The following GNB5 variants were observed in gnomAD, a reference collection of about 807,000 sequenced individuals.
GNB5 encodes guanine nucleotide-binding protein subunit beta-5.
In GNB5, 37 loss-of-function variants were observed where a neutral mutation model predicts 55.3. The observed-to-expected ratio is 0.67, with a 90% CI of 0.51 to 0.88. The LOEUF (loss-of-function observed/expected upper bound fraction) is 0.88. GNB5 is among the 40% of genes least tolerant of loss of function. The pLI is 0.00. For missense variants in GNB5, 476 were observed against 515.3 expected, an observed-to-expected ratio of 0.92 and a Z score of 0.74; for synonymous variants, 219 against 198.5, an observed-to-expected ratio of 1.10 and a Z score of -0.87.
In GNB5 at chr15:52,116,229, G is replaced by C. The variant is rs1402319319; in HGVS notation, c.*6528C>G. The C allele has an allele frequency of 1.3e-5, 2 of 152,208 alleles. No individual in the cohort carries two copies. Among genetic ancestry groups the C allele is most frequent in the African/African-American group, 4.8e-5 (2 of 41,440 alleles). 9.4% of individuals were successfully genotyped at this position (152,208 alleles called of 1,614,324 possible). A position where few individuals can be genotyped will look rare whatever the true frequency, so the allele number is the denominator to read the frequency against. On this transcript the variant is annotated 3_prime_UTR_variant, in exon 13 of 13. Transcript: ENST00000261837. Reference sequence around the variant, plus strand: ...TGGAAACAGTGACCTCTGCTTCATGGTTCCTGGTTTCTGACAAAGTTAATC... The same window carrying C: ...TGGAAACAGTGACCTCTGCTTCATGCTTCCTGGTTTCTGACAAAGTTAATC...
chr15:52,131,712 A>G (rs1227095256), intron 9 of GNB5, among the ~76,000 whole-genome samples: 1 of 152,232 alleles, frequency 6.6e-6, no homozygotes, highest in East Asian at 1.9e-4. Flanking sequence ...GAGGGCAAGA[A>G]GTACTAAAGT....
rs537857468 is a variant in GNB5 at position 52,154,157 on chromosome 15, T to A, written c.239-81A>T. 2.3e-3 allele frequency: 3,121 copies of A among 1,385,394 alleles called. 8 individuals carry two copies. Among genetic ancestry groups the A allele is most frequent in the Non-Finnish European group, 2.8e-3 (2,899 of 1,024,654 alleles). 85.8% of individuals were successfully genotyped at this position (1,385,394 alleles called of 1,614,324 possible). ...GGGCTGACACAGCACAGACATATGTTCCGCAGAGGGAGGCGGCCCCATGGG... is the reference window on the plus strand; with the variant it reads ...GGGCTGACACAGCACAGACATATGTACCGCAGAGGGAGGCGGCCCCATGGG... On this transcript the variant is annotated intron_variant, in intron 3 of 12. Coordinates refer to ENST00000261837, the MANE Select transcript of GNB5 (RefSeq NM_016194.4).
chr15:52,149,760 G>A (rs2034051212), intron 5 of GNB5, 124 bp downstream of exon 5: 3 of 752,746 alleles, frequency 4.0e-6, no homozygotes, highest in Non-Finnish European at 7.2e-6. Flanking sequence ...TCCATCCGTA[G>A]AGGCAACTGC....
rs184704675 is a variant in GNB5 at position 52,185,155 on chromosome 15, G to A, written c.-18-461C>T. Among the ~76,000 whole-genome samples, 453 of 152,352 alleles carry A rather than the reference G, an allele frequency of 3.0e-3. 1 individual carries two copies. The highest frequency in any genetic ancestry group is 0.01 in the African/African-American group (427 of 41,586). The stretch of plus-strand genomic sequence containing the variant: ...CCTGAGTAAGTGTGGTGTGGGTTCC[G>A]TGCAAGGCAAGCACTCACTTATTAA... On this transcript the variant is annotated intron_variant, in intron 1 of 12. Coordinates refer to ENST00000261837, the MANE Select transcript of GNB5 (RefSeq NM_016194.4).
intron 3 of GNB5, among the ~76,000 whole-genome samples, chr15:52,168,459 G>T (rs1196756685): frequency 6.6e-6 from 1 of 152,144 alleles, no homozygotes; most frequent in Admixed American, 6.6e-5. Context: ...TGCTCAAGGA[G>T]ATCAGAGAGG....
intron 3 of GNB5, among the ~76,000 whole-genome samples, chr15:52,163,668 C>G (rs116007551): frequency 0.012 from 1,755 of 152,312 alleles, 26 homozygotes; most frequent in African/African-American, 0.04. Flanking sequence ...TCTGGAGAGT[C>G]TGGGTGGTCT....
At chr15:52,155,176 C>T (rs1449780330) in intron 3 of GNB5, among the ~76,000 whole-genome samples, 1 of 152,218 alleles carries the variant, frequency 6.6e-6, no homozygotes, top group Admixed American at 6.5e-5. Flanking sequence ...CCCAGCTGGC[C>T]TTTCTCCAGG....
At position 52,116,635 on chromosome 15, in the gene GNB5, A is replaced by C. The variant is rs928686882; in HGVS notation, c.*6122T>G. 3 of 152,202 alleles carry C rather than the reference A, an allele frequency of 2.0e-5. No individual in the cohort carries two copies. The highest frequency in any genetic ancestry group is 2.9e-5 in the Non-Finnish European group (2 of 68,036). The allele number at this position is 152,202 out of a possible 1,614,324, so 9.4% of individuals were successfully genotyped here. A position where few individuals can be genotyped will look rare whatever the true frequency, so the allele number is the denominator to read the frequency against. ...AGAGTCACTAGTGTTTTAAAAAAAC[A>C]AACCATGACAAATAGAGCTGGGGAG... On this transcript the variant is annotated 3_prime_UTR_variant, in exon 13 of 13. Transcript: ENST00000261837.
intron 3 of GNB5, among the ~76,000 whole-genome samples, chr15:52,175,092 A>C (rs532029747): frequency 3.9e-5 from 6 of 152,068 alleles, no homozygotes; most frequent in Admixed American, 6.5e-5. Flanking sequence ...CAAACAAACA[A>C]ACACACATAC....
At chr15:52,177,125 C>A (rs1257255139) in intron 3 of GNB5, among the ~76,000 whole-genome samples, 1 of 150,054 alleles carries the variant, frequency 6.7e-6, no homozygotes, top group African/African-American at 2.5e-5. Flanking sequence ...ACCTCCAACT[C>A]CCTGGTTTAA....
At chr15:52,178,569 T>G (rs2034697778) in intron 3 of GNB5, among the ~76,000 whole-genome samples, 1 of 152,192 alleles carries the variant, frequency 6.6e-6, no homozygotes, top group African/African-American at 2.4e-5. Context: ...CAACAGCAGG[T>G]GATCATCCAC....
chr15:52,124,005 C>CAAAA (rs56008657), intron 12 of GNB5, among the ~76,000 whole-genome samples: 9 of 84,384 alleles, frequency 1.1e-4, no homozygotes, highest in Non-Finnish European at 1.4e-4. Context: ...ATAGAAAAAC[C>CAAAA]AAAAAAAAAA....
rs543789639 is a variant in GNB5, at chr15:52,116,211, A to G, written c.*6546T>C. 3.9e-5 allele frequency: 6 copies of G among 152,370 alleles called. No homozygotes were observed. Among genetic ancestry groups the G allele is most frequent in the Non-Finnish European group, 8.8e-5 (6 of 68,042 alleles). The allele number at this position is 152,370 out of a possible 1,614,324, so 9.4% of individuals were successfully genotyped here. A position where few individuals can be genotyped will look rare whatever the true frequency, so the allele number is the denominator to read the frequency against. ...CGTGGAAAACACACAGGTTGGAAAC[A>G]GTGACCTCTGCTTCATGGTTCCTGG... On this transcript the variant is annotated 3_prime_UTR_variant, in exon 13 of 13. Transcript: ENST00000261837.
chr15:52,137,801 C>A lies in GNB5; in HGVS notation c.628-2045G>T, dbSNP rs965159155. 1.5e-5 allele frequency: 19 copies of A among 1,263,018 alleles called. No individual in the cohort carries two copies. The African/African-American group carries it at 2.6e-4, about 17-fold the overall frequency. 78.2% of individuals were successfully genotyped at this position (1,263,018 alleles called of 1,614,324 possible). On this transcript the variant is annotated intron_variant, in intron 7 of 12. Transcript: ENST00000261837. ...CCTGGAGCCAGCTGGGTACTGACAG[C>A]AATGGAGGGGACCTGCAAGGGAGAA... is the stretch of plus-strand genomic sequence containing the variant.
Position 52,121,502 on chromosome 15 carries a change from C to A in GNB5, c.*1255G>T, listed in dbSNP as rs2033265542. The A allele has an allele frequency of 1.3e-5, 1 of 76,032 alleles. No homozygotes were observed. The highest frequency in any genetic ancestry group is 2.5e-5 in the Non-Finnish European group (1 of 39,344). 4.7% of individuals were successfully genotyped at this position (76,032 alleles called of 1,614,324 possible). Reference sequence around the variant, plus strand: ...TCTGAGTCTCAAATAAAGAGAAGATCTTCTTTTAATATCGTTTTTCTATGT... The same window carrying A: ...TCTGAGTCTCAAATAAAGAGAAGATATTCTTTTAATATCGTTTTTCTATGT... On this transcript the variant is annotated 3_prime_UTR_variant, in exon 13 of 13. Coordinates refer to ENST00000261837, the MANE Select transcript of GNB5 (RefSeq NM_016194.4).
chr15:52,131,689 T>A (rs2033578436), intron 9 of GNB5, among the ~76,000 whole-genome samples: 3 of 152,230 alleles, frequency 2.0e-5, no homozygotes, highest in Admixed American at 1.3e-4. Context: ...TCTTTTTTCC[T>A]TATCCCACAT....
At chr15:52,171,521 A>G (rs1234894784) in intron 3 of GNB5, among the ~76,000 whole-genome samples, 1 of 152,246 alleles carries the variant, frequency 6.6e-6, no homozygotes, top group Non-Finnish European at 1.5e-5. Flanking sequence ...CAGCTCGAGT[A>G]TAACAGTGAA....
intron 10 of GNB5, among the ~76,000 whole-genome samples, chr15:52,127,129 T>C (rs975786983): frequency 1.3e-5 from 2 of 152,190 alleles, no homozygotes; most frequent in Admixed American, 1.3e-4. Context: ...TTGATTCATA[T>C]GGCAAATCTG....
Position 52,149,848 on chromosome 15 carries a change from G to T in GNB5, c.417+36C>A, listed in dbSNP as rs755638702. On this transcript the variant is annotated intron_variant, in intron 5 of 12. Coordinates refer to ENST00000261837, the MANE Select transcript of GNB5 (RefSeq NM_016194.4). ...GCACCTTTAAGTAGGCTGGGATTCTGAAGCCTCTATAACGTGGCTGGGAAC... is the reference window on the plus strand; with the variant it reads ...GCACCTTTAAGTAGGCTGGGATTCTTAAGCCTCTATAACGTGGCTGGGAAC... The T allele has an allele frequency of 7.3e-5, 112 of 1,534,302 alleles. No individual in the cohort carries two copies. The South Asian group carries it at 1.2e-3, about 17-fold the overall frequency.
Sources: gnomAD v4.1 joint callset for allele counts (sites outside exome capture counted in the v4.1 genomes callset) on GRCh38, gnomAD v4.1.1 for gene constraint, MANE v1.5 for transcripts, NCBI Gene and HGNC (gene_info 2026-07-23, HGNC 2026-07-21) for gene names.